ZFYVE28: variants seen among roughly 807,000 people sequenced by gnomAD.
ZFYVE28 encodes the protein zinc finger FYVE-type containing 28, also known as lateral signaling target protein 2 homolog.
A neutral mutation model predicts 82.1 loss-of-function variants in ZFYVE28; 40 were observed. The ratio of observed to expected loss-of-function variants is 0.49; its 90% confidence interval spans 0.38 to 0.63. The LOEUF (loss-of-function observed/expected upper bound fraction) is 0.63, where lower values mean the gene tolerates loss of function less well. ZFYVE28 is among the 30% of genes least tolerant of loss of function. The pLI is 0.00. For missense variants in ZFYVE28, 1,321 were observed against 1,242.1 expected (o/e 1.06, Z -0.96); for synonymous variants, 612 against 546.1 (o/e 1.12, Z -1.68).
chr4:2,383,216 G>C (rs1728906283), intron 1 of ZFYVE28, among the ~76,000 whole-genome samples: 1 of 152,060 alleles, frequency 6.6e-6, no homozygotes, highest in African/African-American at 2.4e-5. Flanking sequence ...ATCTTGAATT[G>C]TACTCCCATA....
At chr4:2,375,149 T>C (rs907929728) in intron 1 of ZFYVE28, among the ~76,000 whole-genome samples, 8 of 152,240 alleles carry the variant, frequency 5.3e-5, no homozygotes, top group Admixed American at 4.6e-4. Context: ...CTTCCCTCCC[T>C]GCTGCTGTGG....
intron 8 of ZFYVE28, among the ~76,000 whole-genome samples, chr4:2,288,426 C>G (rs1713094114): frequency 6.6e-6 from 1 of 152,228 alleles, no homozygotes; most frequent in South Asian, 2.1e-4. Flanking sequence ...GGGCCCTGGG[C>G]TGGGTGCTGG....
chr4:2,345,907 G>GA, intron 2 of ZFYVE28, among the ~76,000 whole-genome samples: 1 of 152,104 alleles, frequency 6.6e-6, no homozygotes, highest in South Asian at 2.1e-4. Flanking sequence ...TATTAAGGGG[G>GA]AAAAAATATC....
intron 4 of ZFYVE28, among the ~76,000 whole-genome samples, 163 bp from the exon 5 acceptor site, chr4:2,337,659 A>G (rs1162132443): frequency 1.3e-5 from 2 of 151,990 alleles, no homozygotes; most frequent in Non-Finnish European, 2.9e-5. Flanking sequence ...AGGTGGGAGG[A>G]TGGCTTGAGC....
At chr4:2,355,282 C>CT (rs71167786) in intron 1 of ZFYVE28, among the ~76,000 whole-genome samples, 408 of 35,896 alleles carry the variant, frequency 0.011, 72 homozygotes, top group Non-Finnish European at 0.014. Flanking sequence ...AATGATTCTT[C>CT]TTTTTTTTTT....
At chr4:2,385,734 CA>C (rs150442400) in intron 1 of ZFYVE28, among the ~76,000 whole-genome samples, 2 of 151,638 alleles carry the variant, frequency 1.3e-5, no homozygotes, top group African/African-American at 2.4e-5. Context: ...TCTCACAAAA[CA>C]AAAAAAACAA....
At chr4:2,405,057 A>T (rs1731713422) in intron 1 of ZFYVE28, among the ~76,000 whole-genome samples, 1 of 152,072 alleles carries the variant, frequency 6.6e-6, no homozygotes, top group African/African-American at 2.4e-5. Flanking sequence ...AAAAGATTAA[A>T]ATATATATAT....
intron 6 of ZFYVE28, among the ~76,000 whole-genome samples, chr4:2,326,580 TG>T (rs1471462388): frequency 6.6e-6 from 1 of 152,304 alleles, no homozygotes; most frequent in East Asian, 1.9e-4. Flanking sequence ...ATAAAAAAAA[TG>T]ATGTTGGGCT....
rs1402821363 is a variant in ZFYVE28, at chr4:2,372,272, C to T, written c.40-18199G>A. On this transcript the variant is annotated intron_variant, in intron 1 of 12. Transcript: ENST00000290974. This position sits in a 1 kb window ranked among gnomAD's most constrained non-coding sequence, Gnocchi z 5.2. ...GCTGAGTCTGGTTCCGAGAAGGACTCGTGAGGGGGTAGGAATGGTCCCACC... is the reference window on the plus strand; with the variant it reads ...GCTGAGTCTGGTTCCGAGAAGGACTTGTGAGGGGGTAGGAATGGTCCCACC... Among the ~76,000 whole-genome samples the T allele has an allele frequency of 6.6e-6, 1 of 152,090 alleles. No homozygotes were observed. The highest frequency in any genetic ancestry group is 2.1e-4 in the South Asian group (1 of 4,812).
At chr4:2,359,163 A>G (rs1463309131) in intron 1 of ZFYVE28, among the ~76,000 whole-genome samples, 1 of 147,558 alleles carries the variant, frequency 6.8e-6, no homozygotes, top group Non-Finnish European at 1.5e-5. Context: ...TTGTATTTTT[A>G]GTAGAGATGG....
At position 2,407,961 on chromosome 4, in the gene ZFYVE28, C is replaced by A. The variant is rs189995762; in HGVS notation, c.39+10324G>T. ...TGCCAGGGAGTGTGCTCACGGAGAACCCCTTTCTCCTCTGTCTTGTAACTT... is the reference window on the plus strand; with the variant it reads ...TGCCAGGGAGTGTGCTCACGGAGAAACCCTTTCTCCTCTGTCTTGTAACTT... On this transcript the variant is annotated intron_variant, in intron 1 of 12. Transcript: ENST00000290974. 3.3e-5 allele frequency among the ~76,000 whole-genome samples: 5 copies of A among 152,310 alleles called. No individual in the cohort carries two copies. In the East Asian group the frequency reaches 7.7e-4, roughly 24 times the overall value.
intron 2 of ZFYVE28, among the ~76,000 whole-genome samples, chr4:2,350,756 T>C (rs1042561391): frequency 1.3e-5 from 2 of 152,206 alleles, no homozygotes; most frequent in Admixed American, 6.5e-5. Flanking sequence ...TAATCAATCA[T>C]GGCTCTATAA....
intron 1 of ZFYVE28, among the ~76,000 whole-genome samples, chr4:2,368,339 T>A (rs1727140802): frequency 2.0e-5 from 3 of 151,810 alleles, no homozygotes. Context: ...GAGGTGGAAG[T>A]TAGAGTGAGC....
rs1322573718 is a variant in ZFYVE28 at position 2,334,824 on chromosome 4, CCTCTTCCCCCTCCCCT to C, written c.701+865_701+880del. On this transcript the variant is annotated intron_variant, in intron 6 of 12. Transcript: ENST00000290974. ...CTTCCCCCTCCCCTCTTCCCCCTCC[CCTCTTCCCCCTCCCCT>C]CTTCCCCCTCCCCACTTCCGCCTCC... 1.7e-3 allele frequency among the ~76,000 whole-genome samples: 48 copies of C among 27,764 alleles called. 5 individuals carry two copies. The highest frequency in any genetic ancestry group is 0.015 in the African/African-American group (45 of 2,946). The allele number at this position is 27,764 out of a possible 152,430, so 18.2% of individuals were successfully genotyped here.
At chr4:2,277,127 T>G (rs1364939558) in intron 8 of ZFYVE28, among the ~76,000 whole-genome samples, 1 of 152,192 alleles carries the variant, frequency 6.6e-6, no homozygotes, top group African/African-American at 2.4e-5. Context: ...ACCACTGAAC[T>G]GTGTGATTTA....
chr4:2,356,436 C>A (rs1292590885), intron 1 of ZFYVE28, among the ~76,000 whole-genome samples: 15 of 32,934 alleles, frequency 4.6e-4, no homozygotes, highest in African/African-American at 1.0e-3. Flanking sequence ...CGCCCCCTCC[C>A]CGGCCGTTGA....
chr4:2,303,084 A>T (rs537062350), intron 8 of ZFYVE28, among the ~76,000 whole-genome samples: 34 of 152,302 alleles, frequency 2.2e-4, no homozygotes, highest in African/African-American at 7.7e-4. Context: ...CCAGGGCCTG[A>T]TGGGGAGTGG....
chr4:2,340,468 T>C (rs189787618), intron 3 of ZFYVE28, among the ~76,000 whole-genome samples: 11 of 152,352 alleles, frequency 7.2e-5, no homozygotes, highest in Non-Finnish European at 1.2e-4. Context: ...ATCCACCTGC[T>C]GTCCCCTCAG....
chr4:2,299,285 C>T (rs1715123726), intron 8 of ZFYVE28, among the ~76,000 whole-genome samples: 1 of 152,104 alleles, frequency 6.6e-6, no homozygotes, highest in Non-Finnish European at 1.5e-5. Context: ...ACCTCAGGAA[C>T]AGCGAAGGGT....
Sources: allele counts gnomAD v4.1 joint callset (sites outside exome capture counted in the v4.1 genomes callset), GRCh38; gene constraint gnomAD v4.1.1; non-coding constraint Gnocchi (gnomAD v3.1); transcripts MANE v1.5; gene names NCBI Gene and HGNC (gene_info 2026-07-23, HGNC 2026-07-21).